Variants in ZNF276 observed in about 807,000 individuals in gnomAD.
ZNF276 encodes the protein zinc finger protein 276.
ZNF276 carries 59 observed loss-of-function variants against 63.9 expected under a neutral mutation model. That is an observed-to-expected ratio of 0.92 (90% CI 0.75 to 1.15). ZNF276 has a LOEUF of 1.15. Among genes scored for constraint, ZNF276 ranks in the 50% most tolerant of loss-of-function variants. The pLI is 0.00. For missense variants in ZNF276, 1,084 were observed against 843.8 expected (o/e 1.28, Z -3.53); for synonymous variants, 496 against 348.4 (o/e 1.42, Z -4.72).
chr16:89,723,007 G>A, intron 2 of ZNF276, 130 bp from the exon 3 acceptor site: 1 of 1,591,126 alleles, frequency 6.3e-7, no homozygotes, highest in Non-Finnish European at 8.6e-7. Flanking sequence ...ACTGGGAGGA[G>A]CTGGGGTGAG....
intron 9 of ZNF276, among the ~76,000 whole-genome samples, chr16:89,734,739 T>C (rs1448424483): frequency 5.3e-5 from 8 of 152,104 alleles, no homozygotes; most frequent in Non-Finnish European, 1.0e-4. Context: ...GTGTAGGTCG[T>C]GTCATTAAGA....
intron 2 of ZNF276, 88 bp downstream of exon 2, chr16:89,722,922 G>C: frequency 6.4e-7 from 1 of 1,557,152 alleles, no homozygotes; most frequent in East Asian, 2.2e-5. Context: ...TGCCTCCGCG[G>C]GAGCCTCTGG....
chr16:89,723,676 C>T lies in ZNF276; in HGVS notation c.973C>T (p.Pro325Ser), dbSNP rs2151663127. The T allele has an allele frequency of 1.9e-6, 3 of 1,611,864 alleles. No homozygotes were observed. The highest frequency in any genetic ancestry group is 4.5e-5 in the East Asian group (2 of 44,870). ...DAVGPRSGFPPQPSLPLCRAP... is the reference protein window; with the variant it reads ...DAVGPRSGFPSQPSLPLCRAP... ...GGTGGGGCCCAGGTCGGGCTTCCCA[C>T]CTCAGCCAAGCCTGCCCCTTTGCAG... Residue 325 changes from proline (P) to serine (S), a missense_variant, in exon 4 of 11, where the codon CCT (proline) becomes TCT (serine). Pro to Ser is a moderately conservative substitution (Grantham distance 74). Transcript: ENST00000443381.
In ZNF276 at chr16:89,740,176, C is replaced by A; in HGVS notation, c.*1930C>A. ...GGGTAGGAGGGTACAGCCCTCAGCACAGAAGAGGGCATTTCCTCTTTGCTT... is the reference window on the plus strand; with the variant it reads ...GGGTAGGAGGGTACAGCCCTCAGCAAAGAAGAGGGCATTTCCTCTTTGCTT... On this transcript the variant is annotated 3_prime_UTR_variant, in exon 11 of 11. Transcript: ENST00000443381. 2.7e-6 allele frequency: 3 copies of A among 1,095,884 alleles called. No homozygotes were observed. The highest frequency in any genetic ancestry group is 2.4e-5 in the East Asian group (1 of 42,514). The allele number at this position is 1,095,884 out of a possible 1,614,324, so 67.9% of individuals were successfully genotyped here.
chr16:89,723,062 G>C (rs899126218), intron 2 of ZNF276, 75 bp from the exon 3 acceptor site: 2 of 1,611,430 alleles, frequency 1.2e-6, no homozygotes, highest in African/African-American at 2.7e-5. Context: ...TTGAGATCTC[G>C]AGAGGGTCCC....
rs775234845 is a variant in ZNF276 at position 89,739,162 on chromosome 16, C to G, written c.*916C>G. 1 of 1,614,170 alleles carries G rather than the reference C, an allele frequency of 6.2e-7. No homozygotes were observed. The stretch of plus-strand genomic sequence containing the variant: ...CCCTTGAGCTCCAGGCTCCTGCCAG[C>G]TGGAGGTGAAACTGTGCTTGTATCC... On this transcript the variant is annotated 3_prime_UTR_variant, in exon 11 of 11. Transcript: ENST00000443381.
At chr16:89,733,024 T>TCGCCC in intron 6 of ZNF276, 2 of 302,342 alleles carry the variant, frequency 6.6e-6, no homozygotes, top group East Asian at 1.3e-4. Context: ...TCTGCTGTGT[T>TCGCCC]TGCCCTGACC....
At chr16:89,737,622 G>C (rs946451720) in intron 9 of ZNF276, 184 bp from the exon 10 acceptor site, 1 of 1,158,258 alleles carries the variant, frequency 8.6e-7, no homozygotes, top group Non-Finnish European at 1.2e-6. Flanking sequence ...CCACGTGACA[G>C]TGTATAAAGC....
upstream of ZNF276, chr16:89,720,921 C>G (rs2151651057): frequency 8.0e-7 from 1 of 1,254,480 alleles, no homozygotes; most frequent in South Asian, 2.6e-5. Context: ...ACCGGAGGCC[C>G]GGAACGCAGC....
At chr16:89,731,014 C>T (rs894793575) in intron 6 of ZNF276, among the ~76,000 whole-genome samples, 6 of 152,230 alleles carry the variant, frequency 3.9e-5, no homozygotes, top group Non-Finnish European at 8.8e-5. Flanking sequence ...CCACCCGGTC[C>T]GCAAAGATTC....
In ZNF276 at chr16:89,723,490, T is replaced by G; in HGVS notation, c.787T>G (p.Trp263Gly). The G allele has an allele frequency of 6.2e-7, 1 of 1,612,706 alleles. No individual in the cohort carries two copies. Among genetic ancestry groups the G allele is most frequent in the Non-Finnish European group, 8.5e-7 (1 of 1,179,932 alleles). ...CAGTGCGCTGGCAGTCAAGTGGCCA[T>G]GGGACAAAGAGACGGCGCCACGGCT... Reference protein sequence around the residue: ...LDSALAVKWPWDKETAPRLPQ... With the variant: ...LDSALAVKWPGDKETAPRLPQ... Residue 263 changes from tryptophan (W) to glycine (G), a missense_variant, in exon 4 of 11, where the codon TGG becomes GGG. Coordinates refer to ENST00000443381, the MANE Select transcript of ZNF276 (RefSeq NM_001113525.2).
In ZNF276 at chr16:89,733,360, C is replaced by A; in HGVS notation, c.1228C>A (p.Arg410=). ...EAKKSEEPRI[R]KKPGPKPGWK... Reference sequence around the variant, plus strand: ...CAAGAAGTCTGAAGAACCAAGAATTCGGAAGAAGCCGGGACCCAAGCCCGG... The same window carrying A: ...CAAGAAGTCTGAAGAACCAAGAATTAGGAAGAAGCCGGGACCCAAGCCCGG... Residue 410 remains arginine, a synonymous_variant, in exon 7 of 11, where the codon CGG becomes AGG. Transcript: ENST00000443381. 1 of 1,614,124 alleles carries A rather than the reference C, an allele frequency of 6.2e-7. No homozygotes were observed. The highest frequency in any genetic ancestry group is 1.1e-5 in the South Asian group (1 of 91,086).
chr16:89,723,165 G>C lies in ZNF276; in HGVS notation c.538G>C (p.Glu180Gln). Residue 180 changes from glutamate to glutamine, a missense_variant, in exon 3 of 11, where the codon GAG becomes CAG. Physicochemically the swap from Glu to Gln is conservative, Grantham distance 29. Transcript: ENST00000443381. ...CGGTGCCCAGCCCCCAACAGGGGCA[G>C]AGGAGGGAGCGTGTCTGGGTGAGTC... ...KVGAQPPTGA[E>Q]EGACLVDLIT... 7 of 1,613,252 alleles carry C rather than the reference G, an allele frequency of 4.3e-6. No individual in the cohort carries two copies. The highest frequency in any genetic ancestry group is 5.9e-6 in the Non-Finnish European group (7 of 1,180,038).
intron 6 of ZNF276, chr16:89,733,069 TCAC>T: frequency 1.8e-6 from 1 of 547,854 alleles, no homozygotes; most frequent in East Asian, 3.2e-5. Context: ...TCTGCTGTGT[TCAC>T]CCCTGACCCT....
rs780637505 is a variant in ZNF276, at chr16:89,738,070, G to A, written c.1669G>A (p.Asp557Asn). 1 of 1,614,118 alleles carries A rather than the reference G, an allele frequency of 6.2e-7. No individual in the cohort carries two copies. The highest frequency in any genetic ancestry group is 1.7e-5 in the Admixed American group (1 of 60,028). ...TGAGACTGAGCTGGACTTTGCCTGT[G>A]ACCAGTGTGGCCGGCGGTTTGAGAA... ...KAETELDFAC[D>N]QCGRRFEKAH... Residue 557 changes from aspartate to asparagine, a missense_variant, in exon 11 of 11, where the codon GAC becomes AAC. Transcript: ENST00000443381.
At position 89,729,309 on chromosome 16, in the gene ZNF276, C is replaced by G. The variant is rs367876536; in HGVS notation, c.1160C>G (p.Pro387Arg). ...QSSDESFEPYPERKVSGKKSE... is the reference protein window; with the variant it reads ...QSSDESFEPYRERKVSGKKSE... ...TCGGACGAGTCCTTTGAGCCTTACCCAGAAAGGAAGTAAGTGGGCAGCCCG... is the reference window on the plus strand; with the variant it reads ...TCGGACGAGTCCTTTGAGCCTTACCGAGAAAGGAAGTAAGTGGGCAGCCCG... Residue 387 changes from proline (P) to arginine (R), a missense_variant, in exon 6 of 11, where the codon CCA (proline) becomes CGA (arginine). Pro to Arg is a moderately radical substitution (Grantham distance 103). Transcript: ENST00000443381. 5.6e-6 allele frequency: 9 copies of G among 1,613,962 alleles called. No individual in the cohort carries two copies. Among genetic ancestry groups the G allele is most frequent in the Non-Finnish European group, 7.6e-6 (9 of 1,180,004 alleles).
At chr16:89,731,851 G>C (rs2061664322) in intron 6 of ZNF276, 1 of 152,226 alleles carries the variant, frequency 6.6e-6, no homozygotes. Context: ...AGGGTTTTTT[G>C]TATGTGGATC....
rs920220275 is a variant in ZNF276 at position 89,729,971 on chromosome 16, G to A, written c.1169+653G>A. Among the ~76,000 whole-genome samples, 7 of 152,294 alleles carry A rather than the reference G, an allele frequency of 4.6e-5. No homozygotes were observed. In the South Asian group the frequency reaches 1.4e-3, roughly 32 times the overall value. On this transcript the variant is annotated intron_variant, in intron 6 of 10. Coordinates refer to ENST00000443381, the MANE Select transcript of ZNF276 (RefSeq NM_001113525.2). ...TACCCAGAACACTCCCAGGTAGTTG[G>A]TGACTGACCCAGTCCCTGTCCTTGA... is the stretch of plus-strand genomic sequence containing the variant.
intron 6 of ZNF276, among the ~76,000 whole-genome samples, chr16:89,730,904 G>T (rs1011687494): frequency 1.3e-5 from 2 of 152,368 alleles, no homozygotes; most frequent in Admixed American, 1.3e-4. Context: ...CTTCTGTGAT[G>T]TGTTAATGAG....
Sources: gnomAD v4.1 joint callset for allele counts (sites outside exome capture counted in the v4.1 genomes callset) on GRCh38, gnomAD v4.1.1 for gene constraint, MANE v1.5 for transcripts, NCBI Gene and HGNC (gene_info 2026-07-23, HGNC 2026-07-21) for gene names.